The following MTAP variants were observed in gnomAD, a reference collection of about 807,000 sequenced individuals.
MTAP encodes the protein S-methyl-5'-thioadenosine phosphorylase.
A neutral mutation model predicts 33.6 loss-of-function variants in MTAP; 33 were observed. The ratio of observed to expected loss-of-function variants is 0.98; its 90% CI spans 0.74 to 1.31. The LOEUF (loss-of-function observed/expected upper bound fraction) is 1.31. MTAP is among the 40% of genes most tolerant of loss of function. The probability of loss-of-function intolerance (pLI) is 0.00; values close to 1 mark genes in which losing one functional copy is unlikely to be tolerated. For synonymous variants in MTAP, 148 were observed against 125.7 expected (o/e 1.18, Z -1.19); for missense variants, 367 against 360.0 (o/e 1.02, Z -0.16).
chr9:21,838,432 G>A (rs552479930), intron 5 of MTAP, among the ~76,000 whole-genome samples: 12 of 152,310 alleles, frequency 7.9e-5, no homozygotes, highest in Admixed American at 2.6e-4. Context: ...GATAATTATA[G>A]CATGTACCTT....
intron 5 of MTAP, among the ~76,000 whole-genome samples, chr9:21,842,262 T>C (rs1379121619): frequency 6.6e-6 from 1 of 152,164 alleles, no homozygotes; most frequent in Non-Finnish European, 1.5e-5. Context: ...AAAAGAAATT[T>C]GGGTTTATGT....
chr9:21,851,152 C>T (rs138408988), intron 5 of MTAP, among the ~76,000 whole-genome samples: 198 of 152,284 alleles, frequency 1.3e-3, no homozygotes, highest in African/African-American at 3.2e-3. Context: ...CTACAAATGA[C>T]CCAGACTCTT....
chr9:21,849,121 C>G (rs1191846673), intron 5 of MTAP, among the ~76,000 whole-genome samples: 1 of 152,136 alleles, frequency 6.6e-6, no homozygotes, highest in Non-Finnish European at 1.5e-5. Flanking sequence ...AACCAATTTC[C>G]AGACTTGAGC....
downstream of MTAP, among the ~76,000 whole-genome samples, chr9:21,868,082 A>G (rs1484183877): frequency 6.6e-6 from 1 of 152,218 alleles, no homozygotes; most frequent in Non-Finnish European, 1.5e-5. Flanking sequence ...GGTTCTGGAA[A>G]GAAACTTATT....
chr9:21,816,863 C>A, intron 3 of MTAP, 91 bp downstream of exon 3: 2 of 1,068,626 alleles, frequency 1.9e-6, no homozygotes, highest in South Asian at 1.5e-5. Context: ...CAGGTCTGAG[C>A]TTTTATATGT....
At chr9:21,819,898 TGAG>T (rs1256287231) in intron 4 of MTAP, among the ~76,000 whole-genome samples, 1 of 152,250 alleles carries the variant, frequency 6.6e-6, no homozygotes, top group Non-Finnish European at 1.5e-5. Flanking sequence ...CCAGTGATGA[TGAG>T]CATTTTTTCA....
At chr9:21,927,460 G>T (rs1197476935) in intron 1 of MTAP, among the ~76,000 whole-genome samples, 1 of 152,208 alleles carries the variant, frequency 6.6e-6, no homozygotes, top group African/African-American at 2.4e-5. Flanking sequence ...ACAGGTAACA[G>T]TTGAGTGGTG....
intron 1 of MTAP, among the ~76,000 whole-genome samples, chr9:21,804,590 A>T (rs1341929170): frequency 2.0e-5 from 3 of 152,220 alleles, no homozygotes; most frequent in African/African-American, 7.2e-5. Flanking sequence ...TGCCGTAGAG[A>T]TTCCATGATG....
At chr9:21,828,358 C>G (rs999238626) in intron 4 of MTAP, among the ~76,000 whole-genome samples, 1 of 152,110 alleles carries the variant, frequency 6.6e-6, no homozygotes, top group Non-Finnish European at 1.5e-5. Flanking sequence ...TTTACAACAA[C>G]AGGAGGAAAG....
downstream of MTAP, chr9:21,934,203 C>T (rs145713094): frequency 3.3e-4 from 50 of 152,312 alleles, no homozygotes; most frequent in African/African-American, 1.2e-3. The surrounding 1 kb of genome is among the most constrained non-coding windows in gnomAD (Gnocchi z 5.0). Context: ...ACAGTTTGAA[C>T]ACTCAGCAGT....
At chr9:21,802,893 C>A (rs1050792186) in intron 1 of MTAP, 112 bp downstream of exon 1, 10 of 1,490,686 alleles carry the variant, frequency 6.7e-6, no homozygotes, top group South Asian at 1.3e-5. Flanking sequence ...CGTCCCTTGC[C>A]GCCGCGGGGA....
At chr9:21,928,708 G>T (rs1444600137) in intron 1 of MTAP, among the ~76,000 whole-genome samples, 2 of 152,144 alleles carry the variant, frequency 1.3e-5, no homozygotes, top group African/African-American at 4.8e-5. Context: ...AAAGTGGAAA[G>T]AATTTACCAA....
chr9:21,824,265 T>G (rs1234182868), intron 4 of MTAP, among the ~76,000 whole-genome samples: 1 of 152,200 alleles, frequency 6.6e-6, no homozygotes, highest in Non-Finnish European at 1.5e-5. Context: ...GATGGTGACA[T>G]ACAGATGTGG....
chr9:21,925,517 A>C lies in MTAP; in HGVS notation c.148-5491A>C, dbSNP rs1176436202. Among the ~76,000 whole-genome samples the C allele has an allele frequency of 9.9e-5, 15 of 152,192 alleles. 1 individual carries two copies. Among genetic ancestry groups the C allele is most frequent in the Admixed American group, 9.8e-4 (15 of 15,288 alleles). On this transcript the variant is annotated intron_variant, in intron 1 of 1. Transcript: ENST00000577563. ...GCTCCAACTATTGGCTGCCCTAAAA[A>C]TCCACCAGCCCTCTCCAAGTTGCCC...
At chr9:21,836,154 T>C (rs1318569685) in intron 4 of MTAP, among the ~76,000 whole-genome samples, 1 of 152,078 alleles carries the variant, frequency 6.6e-6, no homozygotes, top group Admixed American at 6.5e-5. Context: ...CCTAACATCC[T>C]TGTAAATAGG....
chr9:21,832,163 T>TA, intron 4 of MTAP, among the ~76,000 whole-genome samples: 1 of 152,346 alleles, frequency 6.6e-6, no homozygotes, highest in African/African-American at 2.4e-5. Context: ...CACGCATTCT[T>TA]ACTCATCAGG....
At chr9:21,894,263 A>C (rs1818251797) in intron 1 of MTAP, among the ~76,000 whole-genome samples, 1 of 151,770 alleles carries the variant, frequency 6.6e-6, no homozygotes, top group Non-Finnish European at 1.5e-5. Flanking sequence ...TCAAAATAAT[A>C]AGAGCCATCT....
chr9:21,855,253 AT>A (rs1373042255), intron 6 of MTAP, among the ~76,000 whole-genome samples: 8 of 152,226 alleles, frequency 5.3e-5, no homozygotes, highest in African/African-American at 9.6e-5. Flanking sequence ...GTATGTTCAC[AT>A]CCATCTATTT....
At chr9:21,911,996 T>C (rs1453971097) in intron 1 of MTAP, among the ~76,000 whole-genome samples, 1 of 152,218 alleles carries the variant, frequency 6.6e-6, no homozygotes, top group East Asian at 1.9e-4. Context: ...GAGAATACTA[T>C]AAACACCTCT....
Sources: allele counts gnomAD v4.1 joint callset (sites outside exome capture counted in the v4.1 genomes callset), GRCh38; gene constraint gnomAD v4.1.1; non-coding constraint Gnocchi (gnomAD v3.1); transcripts MANE v1.5; gene names NCBI Gene and HGNC (gene_info 2026-07-23, HGNC 2026-07-21).